SYMPK: variants seen among roughly 807,000 people sequenced by gnomAD.
The protein encoded by SYMPK is symplekin scaffold protein.
A neutral mutation model predicts 136.4 loss-of-function variants in SYMPK; 49 were observed. That is an observed-to-expected ratio of 0.36 (90% CI 0.29 to 0.46). The LOEUF is 0.46. SYMPK is among the 20% of genes least tolerant of loss of function. The pLI is 1.00. For missense variants in SYMPK, 1,365 were observed against 1,690.0 expected, an observed-to-expected ratio of 0.81 and a Z score of 3.37; for synonymous variants, 766 against 713.0, an observed-to-expected ratio of 1.07 and a Z score of -1.19.
intron 8 of SYMPK, among the ~76,000 whole-genome samples, chr19:45,843,314 C>T (rs1177675053): frequency 6.6e-6 from 1 of 152,108 alleles, no homozygotes; most frequent in East Asian, 1.9e-4. Flanking sequence ...TGGAGAAATG[C>T]AGATCCACGA....
chr19:45,845,823 T>C (rs1010686962), intron 7 of SYMPK, among the ~76,000 whole-genome samples: 2 of 152,204 alleles, frequency 1.3e-5, no homozygotes, highest in Non-Finnish European at 2.9e-5. Context: ...TCACCAACAG[T>C]GTACAAGTGT....
At chr19:45,817,415 CTCTTTTT>C (rs1970775923) in intron 23 of SYMPK, among the ~76,000 whole-genome samples, 1 of 100,170 alleles carries the variant, frequency 1.0e-5, no homozygotes, top group African/African-American at 3.9e-5. Flanking sequence ...TTTTTTTGTT[CTCTTTTT>C]TTTTTTTTTT....
rs1466819746 is a variant in SYMPK, at chr19:45,844,216, G to A, written c.677-16C>T. On this transcript the variant is annotated splice_polypyrimidine_tract_variant and intron_variant, in intron 7 of 26. Transcript: ENST00000245934. ...CATAGCACGTCTAAGAGACAGAGAG[G>A]AGAACCAGTCAGTGGGATCCGTTTT... The A allele has an allele frequency of 1.9e-6, 3 of 1,557,536 alleles. No individual in the cohort carries two copies. Among genetic ancestry groups the A allele is most frequent in the Admixed American group, 1.9e-5 (1 of 53,564 alleles).
chr19:45,831,291 A>C, intron 12 of SYMPK, 93 bp downstream of exon 12: 1 of 918,628 alleles, frequency 1.1e-6, no homozygotes, highest in Non-Finnish European at 1.5e-6. Context: ...TTACACACAC[A>C]CACGCACACG....
chr19:45,820,467 A>T (rs1970862084), intron 22 of SYMPK: 1 of 152,280 alleles, frequency 6.6e-6, no homozygotes, highest in Non-Finnish European at 1.5e-5. Flanking sequence ...GTCACTGAAA[A>T]GCTGTTTCAA....
At chr19:45,837,721 G>T (rs1346413015) in intron 10 of SYMPK, among the ~76,000 whole-genome samples, 1 of 152,028 alleles carries the variant, frequency 6.6e-6, no homozygotes, top group Admixed American at 6.6e-5. Context: ...TTGGAGCCAG[G>T]TAGCAAGTGA....
chr19:45,838,475 T>C lies in SYMPK; in HGVS notation c.1228A>G (p.Asn410Asp), dbSNP rs752804894. ...CCCATCCTCACCAGATTAGCCACAT[T>C]ATCAGGCGTCAGCAGAGGCTGCAGG... ...EFLQPLLTPD[N>D]VANLVLISMV... The change falls in exon 10 of 27, where the codon AAT becomes GAT. Residue 410 changes from asparagine to aspartate, a missense_variant. Asn to Asp is a conservative substitution (Grantham distance 23, BLOSUM62 1). Coordinates refer to ENST00000245934, the MANE Select transcript of SYMPK (RefSeq NM_004819.3). The C allele has an allele frequency of 1.2e-6, 2 of 1,613,548 alleles. No individual in the cohort carries two copies. The highest frequency in any genetic ancestry group is 4.5e-5 in the East Asian group (2 of 44,866).
At chr19:45,815,762 G>C (rs1012009945) in intron 26 of SYMPK, 65 bp from the exon 27 acceptor site, 142 of 1,592,924 alleles carry the variant, frequency 8.9e-5, no homozygotes, top group Non-Finnish European at 1.1e-4. Context: ...CTCCCCTTCA[G>C]GCCCTGCCCC....
chr19:45,834,449 A>C (rs1396508038), intron 11 of SYMPK, among the ~76,000 whole-genome samples: 2 of 151,270 alleles, frequency 1.3e-5, no homozygotes, highest in Non-Finnish European at 3.0e-5. Flanking sequence ...ACAGAGCGAG[A>C]CTTTGTCTCA....
rs772769222 is a variant in SYMPK at position 45,815,970 on chromosome 19, C to T, written c.3568G>A (p.Asp1190Asn). The T allele has an allele frequency of 2.5e-6, 4 of 1,610,554 alleles. No individual in the cohort carries two copies. In the South Asian group the frequency reaches 3.3e-5, roughly 13 times the overall value. Residue 1190 changes from aspartate to asparagine, a missense_variant, in exon 26 of 27, where the codon GAT becomes AAT. By Grantham distance (23) the Asp-to-Asn change is conservative. This residue lies in a region of SYMPK where 341 missense variants were observed against 270.5 expected (regional missense o/e 1.26). Transcript: ENST00000245934. Reference protein sequence around the residue: ...PGPPPSEEAMDFREEGPECET... With the variant: ...PGPPPSEEAMNFREEGPECET... ...CACTCAGGCCCCTCCTCCCGGAAAT[C>T]CATGGCTTCCTCAGACGGGGGCGGG...
At chr19:45,835,814 A>C (rs1971288179) in intron 10 of SYMPK, among the ~76,000 whole-genome samples, 2 of 151,994 alleles carry the variant, frequency 1.3e-5, no homozygotes, top group Non-Finnish European at 2.9e-5. Context: ...CGGGAGGCTG[A>C]GGCAGGATAA....
chr19:45,849,326 G>A (rs978405012), intron 5 of SYMPK, among the ~76,000 whole-genome samples: 1 of 152,134 alleles, frequency 6.6e-6, no homozygotes, highest in Non-Finnish European at 1.5e-5. Flanking sequence ...AAAGCACTTT[G>A]TTTTCTGTAA....
Position 45,821,952 on chromosome 19 carries a change from T to A in SYMPK, c.2792-467A>T, listed in dbSNP as rs2146302812. 6.6e-6 allele frequency among the ~76,000 whole-genome samples: 1 copy of A among 152,206 alleles called. No individual in the cohort carries two copies. Among genetic ancestry groups the A allele is most frequent in the South Asian group, 2.1e-4 (1 of 4,824 alleles). On this transcript the variant is annotated intron_variant, in intron 21 of 26. Transcript: ENST00000245934. The surrounding 1 kb of genome is among the most constrained non-coding windows in gnomAD (Gnocchi z 4.4). The stretch of plus-strand genomic sequence containing the variant: ...GTGGAGGGGAGGCTGGTGGAGTGGC[T>A]CTTTGCTGCTGCTATTTTGATGGTC...
chr19:45,831,342 G>A (rs1305173454), intron 12 of SYMPK, 42 bp downstream of exon 12: 3 of 1,450,214 alleles, frequency 2.1e-6, no homozygotes, highest in Non-Finnish European at 2.7e-6. Context: ...GACCTTCAGG[G>A]TAGGGCTCCT....
At chr19:45,848,185 G>C (rs891937882) in intron 6 of SYMPK, among the ~76,000 whole-genome samples, 184 bp from the exon 7 acceptor site, 1 of 152,208 alleles carries the variant, frequency 6.6e-6, no homozygotes, top group Non-Finnish European at 1.5e-5. Context: ...ACAGGACTGA[G>C]TAGTGGCCAG....
At chr19:45,837,340 G>A (rs1404099118) in intron 10 of SYMPK, among the ~76,000 whole-genome samples, 5 of 152,086 alleles carry the variant, frequency 3.3e-5, no homozygotes, top group East Asian at 3.8e-4. Context: ...TAGAATGGCC[G>A]GGCATGGTGG....
intron 1 of SYMPK, chr19:45,855,839 T>C (rs973759772): frequency 6.7e-6 from 1 of 150,314 alleles, no homozygotes; most frequent in Non-Finnish European, 1.5e-5. Context: ...CTACAGAAAA[T>C]ATAAAAATTA....
At chr19:45,817,834 G>T in intron 23 of SYMPK, 125 bp downstream of exon 23, 1 of 1,005,708 alleles carries the variant, frequency 9.9e-7, no homozygotes, top group Non-Finnish European at 1.4e-6. Flanking sequence ...TTCTTGGCAG[G>T]AGGCAGAGCA....
At chr19:45,837,735 T>C (rs1971336737) in intron 10 of SYMPK, among the ~76,000 whole-genome samples, 1 of 150,846 alleles carries the variant, frequency 6.6e-6, no homozygotes, top group African/African-American at 2.4e-5. Flanking sequence ...CAAGTGAGGG[T>C]TGGGCTTCAG....
Sources: gnomAD v4.1 joint callset for allele counts (sites outside exome capture counted in the v4.1 genomes callset) on GRCh38, gnomAD v4.1.1 for gene constraint, gnomAD v4.1.1 regional missense constraint, Gnocchi (gnomAD v3.1) non-coding constraint, MANE v1.5 for transcripts, NCBI Gene and HGNC (gene_info 2026-07-23, HGNC 2026-07-21) for gene names.